BTG4: variants seen among roughly 807,000 people sequenced by gnomAD.
BTG4 encodes the protein protein BTG4.
A neutral mutation model predicts 19.3 loss-of-function variants in BTG4; 10 were observed. The observed-to-expected ratio is 0.52, with a 90% CI of 0.32 to 0.88. The LOEUF (loss-of-function observed/expected upper bound fraction) is 0.88. Among genes scored for constraint, BTG4 ranks in the 40% least tolerant of loss-of-function variants. The pLI is 0.04. For synonymous variants in BTG4, 91 were observed against 95.7 expected, an observed-to-expected ratio of 0.95 and a Z score of 0.29; for missense variants, 238 against 281.9, an observed-to-expected ratio of 0.84 and a Z score of 1.11.
the BTG4 span, among the ~76,000 whole-genome samples, chr11:111,438,998 G>A: frequency 6.6e-6 from 1 of 152,126 alleles, no homozygotes; most frequent in Non-Finnish European, 1.5e-5. Context: ...AGGCTGCCCC[G>A]GCCTGGGTAC....
the BTG4 span, chr11:111,417,441 T>C: frequency 1.8e-3 from 281 of 152,340 alleles, no homozygotes; most frequent in African/African-American, 6.6e-3. Context: ...CAGTCCGTAC[T>C]GGGAGGAGGG....
At chr11:111,455,849 C>T in the BTG4 span, 1 of 455,812 alleles carries the variant, frequency 2.2e-6, no homozygotes, top group Non-Finnish European at 4.4e-6. Flanking sequence ...ATTCTGGGCA[C>T]CGGCACTGGG....
intron 1 of BTG4, among the ~76,000 whole-genome samples, chr11:111,505,033 A>T (rs1866352802): frequency 6.6e-6 from 1 of 151,944 alleles, no homozygotes; most frequent in Non-Finnish European, 1.5e-5. Flanking sequence ...GGTTAAAATA[A>T]CCATATTACC....
At chr11:111,446,379 A>C in the BTG4 span, among the ~76,000 whole-genome samples, 1 of 152,188 alleles carries the variant, frequency 6.6e-6, no homozygotes, top group African/African-American at 2.4e-5. Context: ...TGCATATCAA[A>C]GTTCCTCGCA....
At chr11:111,469,864 C>G (rs1863958302) in intron 5 of BTG4, 1 of 152,652 alleles carries the variant, frequency 6.6e-6, no homozygotes, top group Non-Finnish European at 1.5e-5. Flanking sequence ...GTAAACTTGA[C>G]CAAAGCATAA....
At chr11:111,463,042 T>C (rs1863493796), downstream of BTG4, 1 of 152,700 alleles carries the variant, frequency 6.5e-6, no homozygotes, top group African/African-American at 2.4e-5. Flanking sequence ...CCCTGTGTTG[T>C]AGGTGGTTCA....
At chr11:111,484,073 C>T (rs535409494) in intron 5 of BTG4, among the ~76,000 whole-genome samples, 1 of 152,060 alleles carries the variant, frequency 6.6e-6, no homozygotes, top group East Asian at 1.9e-4. Context: ...GAATGACATT[C>T]AAAGTGCCAA....
upstream of BTG4, chr11:111,512,929 G>T: frequency 2.3e-6 from 1 of 444,298 alleles, no homozygotes; most frequent in East Asian, 9.0e-5. Flanking sequence ...CTGCAGCCGC[G>T]GGTGCCCGGT....
At chr11:111,474,341 T>C (rs1864271107) in intron 5 of BTG4, among the ~76,000 whole-genome samples, 1 of 152,180 alleles carries the variant, frequency 6.6e-6, no homozygotes. Flanking sequence ...TGCCTCCTTC[T>C]AGTCACATGT....
downstream of BTG4, among the ~76,000 whole-genome samples, chr11:111,491,577 G>A (rs552447015): frequency 6.6e-6 from 1 of 151,700 alleles, no homozygotes; most frequent in South Asian, 2.1e-4. Flanking sequence ...GCGAGACCTC[G>A]TTCTCTACTA....
chr11:111,396,580 C>T, the BTG4 span, among the ~76,000 whole-genome samples: 6 of 152,222 alleles, frequency 3.9e-5, no homozygotes, highest in Non-Finnish European at 8.8e-5. Context: ...AATGTAACCA[C>T]GAATGTGGAT....
At chr11:111,444,201 G>GTGTA in the BTG4 span, among the ~76,000 whole-genome samples, 281 of 150,210 alleles carry the variant, frequency 1.9e-3, no homozygotes, top group Admixed American at 4.4e-3. Flanking sequence ...GTGTGTGTGT[G>GTGTA]TGTGTGTGTA....
the BTG4 span, among the ~76,000 whole-genome samples, chr11:111,461,591 T>C: frequency 6.6e-6 from 1 of 152,088 alleles, no homozygotes; most frequent in African/African-American, 2.4e-5. Flanking sequence ...GCAGTCACCT[T>C]TAATCCCAGC....
downstream of BTG4, among the ~76,000 whole-genome samples, chr11:111,463,886 T>C (rs944339366): frequency 6.6e-6 from 1 of 152,174 alleles, no homozygotes; most frequent in African/African-American, 2.4e-5. Flanking sequence ...TTGCCTGCTG[T>C]TGGCCAGAGA....
chr11:111,487,155 TC>T (rs978090850), intron 5 of BTG4, among the ~76,000 whole-genome samples: 6 of 152,176 alleles, frequency 3.9e-5, no homozygotes, highest in African/African-American at 1.2e-4. Flanking sequence ...ACATGATCTT[TC>T]CTTTTTATGG....
the BTG4 span, among the ~76,000 whole-genome samples, chr11:111,395,472 C>A: frequency 1.3e-5 from 2 of 152,326 alleles, no homozygotes; most frequent in East Asian, 3.9e-4. Context: ...GGATCAGCAC[C>A]GTCACCCCTG....
At chr11:111,418,766 G>A in the BTG4 span, among the ~76,000 whole-genome samples, 5 of 152,216 alleles carry the variant, frequency 3.3e-5, no homozygotes, top group Admixed American at 2.0e-4. Flanking sequence ...AAGAAGCTGG[G>A]AAAACCGGAA....
chr11:111,415,671 G>A, the BTG4 span, among the ~76,000 whole-genome samples: 1 of 152,172 alleles, frequency 6.6e-6, no homozygotes, highest in East Asian at 1.9e-4. Context: ...GAGCTGGGAG[G>A]GGAAGACATG....
chr11:111,436,557 A>G, the BTG4 span, among the ~76,000 whole-genome samples: 2 of 151,288 alleles, frequency 1.3e-5, no homozygotes, highest in African/African-American at 4.9e-5. Flanking sequence ...AATCTGGGAG[A>G]CGGAGATGGC....
Sources: gnomAD v4.1 joint callset for allele counts (sites outside exome capture counted in the v4.1 genomes callset) on GRCh38, gnomAD v4.1.1 for gene constraint, MANE v1.5 for transcripts, NCBI Gene and HGNC (gene_info 2026-07-23, HGNC 2026-07-21) for gene names.